LGR6: variants seen among roughly 807,000 people sequenced by gnomAD.
The protein encoded by LGR6 is leucine-rich repeat-containing G protein-coupled receptor 6.
In LGR6, 45 loss-of-function variants were observed where a neutral mutation model predicts 69.4. The observed-to-expected ratio is 0.65, with a 90% CI of 0.51 to 0.83. The LOEUF (loss-of-function observed/expected upper bound fraction) is 0.83, where lower values mean the gene tolerates loss of function less well. LGR6 is among the 40% of genes least tolerant of loss of function. The pLI is 0.00. For synonymous variants in LGR6, 538 were observed against 555.0 expected (o/e 0.97, Z 0.43); for missense variants, 1,108 against 1,246.7 (o/e 0.89, Z 1.68).
chr1:202,199,236 G>A (rs1278012739), intron 1 of LGR6, among the ~76,000 whole-genome samples: 1 of 152,100 alleles, frequency 6.6e-6, no homozygotes, highest in African/African-American at 2.4e-5. Flanking sequence ...GACCCAGGCA[G>A]CACCCAGACC....
intron 6 of LGR6, among the ~76,000 whole-genome samples, chr1:202,292,727 T>C (rs1666883436): frequency 1.3e-5 from 2 of 152,270 alleles, no homozygotes; most frequent in South Asian, 2.1e-4. Context: ...TAGAACTTTC[T>C]GGGTTGACGG....
intron 6 of LGR6, among the ~76,000 whole-genome samples, chr1:202,295,285 G>A (rs978923577): frequency 2.3e-5 from 3 of 130,096 alleles, no homozygotes; most frequent in African/African-American, 9.0e-5. Context: ...CCGAGATCAC[G>A]CCACTGCACT....
intron 6 of LGR6, among the ~76,000 whole-genome samples, chr1:202,287,532 A>G (rs116237304): frequency 8.8e-4 from 134 of 152,280 alleles, no homozygotes; most frequent in African/African-American, 3.1e-3. Flanking sequence ...AGACTTAAAT[A>G]TTCAAAGGCC....
At chr1:202,300,309 C>G (rs1454098014) in intron 7 of LGR6, among the ~76,000 whole-genome samples, 1 of 152,174 alleles carries the variant, frequency 6.6e-6, no homozygotes, top group African/African-American at 2.4e-5. Flanking sequence ...CATGTCTCCA[C>G]CCCTCACTCT....
At chr1:202,308,203 C>T (rs1486177574) in intron 14 of LGR6, among the ~76,000 whole-genome samples, 1 of 152,236 alleles carries the variant, frequency 6.6e-6, no homozygotes, top group Non-Finnish European at 1.5e-5. Context: ...GGACTCCCAG[C>T]AGGCACACAC....
intron 1 of LGR6, 41 bp from the exon 2 acceptor site, chr1:202,225,382 T>G: frequency 6.5e-7 from 1 of 1,544,724 alleles, no homozygotes; most frequent in Non-Finnish European, 8.8e-7. Context: ...ATGGCCCAAG[T>G]GGGGAGTTCA....
chr1:202,271,828 A>C (rs1006326830), intron 4 of LGR6, among the ~76,000 whole-genome samples: 1 of 150,958 alleles, frequency 6.6e-6, no homozygotes, highest in Non-Finnish European at 1.5e-5. Flanking sequence ...AAAAAAAAAA[A>C]AGAGAGAGGG....
intron 5 of LGR6, among the ~76,000 whole-genome samples, chr1:202,278,098 C>T (rs144885051): frequency 3.3e-3 from 503 of 152,106 alleles, no homozygotes; most frequent in Non-Finnish European, 5.2e-3. Flanking sequence ...GGGAGGGAAG[C>T]TTGAAGGTTT....
chr1:202,269,746 C>T (rs1342517986), intron 4 of LGR6, among the ~76,000 whole-genome samples: 3 of 152,146 alleles, frequency 2.0e-5, no homozygotes, highest in South Asian at 2.1e-4. Context: ...AGGGAGGGGA[C>T]CCAAGTCGTG....
At chr1:202,203,299 A>T (rs1658902647) in intron 1 of LGR6, among the ~76,000 whole-genome samples, 1 of 152,160 alleles carries the variant, frequency 6.6e-6, no homozygotes, top group Admixed American at 6.5e-5. Context: ...TTCCCAGTGA[A>T]TCCAGTGTGA....
chr1:202,238,228 T>C (rs1308790802), intron 4 of LGR6, among the ~76,000 whole-genome samples: 1 of 151,256 alleles, frequency 6.6e-6, no homozygotes, highest in Non-Finnish European at 1.5e-5. Flanking sequence ...CCTGAGTAGC[T>C]GGGACTATAG....
chr1:202,304,894 G>A (rs549129349), intron 11 of LGR6, among the ~76,000 whole-genome samples: 1 of 152,252 alleles, frequency 6.6e-6, no homozygotes, highest in Non-Finnish European at 1.5e-5. Context: ...ATTTGTAAGG[G>A]TTGGAAAAAA....
rs765118332 is a variant in LGR6 at position 202,211,381 on chromosome 1, TCTCA to T, written c.213-14038_213-14035del. On this transcript the variant is annotated intron_variant, in intron 1 of 17. Transcript: ENST00000367278. ...CAGAGTTTGTTTTTTTGAGACAGAG[TCTCA>T]CTCTGTTACCGAGGCTGGAGTGCAG... Among the ~76,000 whole-genome samples the T allele has an allele frequency of 5.3e-4, 81 of 151,996 alleles. No individual in the cohort carries two copies. In the Middle Eastern group the frequency reaches 0.014, roughly 26 times the overall value.
intron 3 of LGR6, among the ~76,000 whole-genome samples, chr1:202,235,348 T>C: frequency 6.6e-6 from 1 of 152,178 alleles, no homozygotes. Context: ...CAGCACTTCT[T>C]TGAGGGATTA....
At chr1:202,206,963 G>A (rs1659267385) in intron 1 of LGR6, among the ~76,000 whole-genome samples, 2 of 151,620 alleles carry the variant, frequency 1.3e-5, no homozygotes, top group South Asian at 2.1e-4. Context: ...TGTCACCCAG[G>A]CTGGAGTGCA....
At position 202,225,452 on chromosome 1, in the gene LGR6, T is replaced by C; in HGVS notation, c.242T>C (p.Leu81Pro). ...LDLSMNNLTELQPGLFHHLRF... is the reference protein window; with the variant it reads ...LDLSMNNLTEPQPGLFHHLRF... Reference sequence around the variant, plus strand: ...CTCAGCATGAACAACCTCACAGAGCTTCAGCCTGGCCTCTTCCACCACCTG... The same window carrying C: ...CTCAGCATGAACAACCTCACAGAGCCTCAGCCTGGCCTCTTCCACCACCTG... The change falls in exon 2 of 18, where the codon CTT (leucine) becomes CCT (proline). Residue 81 changes from leucine (L) to proline (P), a missense_variant. Leu to Pro is a moderately conservative substitution (Grantham distance 98). Transcript: ENST00000367278. The C allele has an allele frequency of 6.2e-7, 1 of 1,613,988 alleles. No individual in the cohort carries two copies. The highest frequency in any genetic ancestry group is 8.5e-7 in the Non-Finnish European group (1 of 1,179,892).
At chr1:202,281,476 C>T (rs1666000840) in intron 6 of LGR6, among the ~76,000 whole-genome samples, 1 of 152,182 alleles carries the variant, frequency 6.6e-6, no homozygotes, top group Non-Finnish European at 1.5e-5. Context: ...CCAAACCCTC[C>T]CATCATTTCC....
intron 1 of LGR6, chr1:202,203,699 G>A: frequency 1.0e-6 from 1 of 993,586 alleles, no homozygotes; most frequent in Non-Finnish European, 1.6e-6. Flanking sequence ...ACCCAGGCAG[G>A]GCCAGATACT....
At chr1:202,305,836 A>G in intron 12 of LGR6, 87 bp downstream of exon 12, 1 of 1,000,322 alleles carries the variant, frequency 1.0e-6, no homozygotes, top group South Asian at 1.3e-5. Flanking sequence ...GGCATCAGTA[A>G]GGGCCAATGC....
Sources: gnomAD v4.1 joint callset for allele counts (sites outside exome capture counted in the v4.1 genomes callset) on GRCh38, gnomAD v4.1.1 for gene constraint, MANE v1.5 for transcripts, NCBI Gene and HGNC (gene_info 2026-07-23, HGNC 2026-07-21) for gene names.